The following DTD1 variants were observed in gnomAD, a reference collection of about 807,000 sequenced individuals.
DTD1 encodes D-tyrosyl-tRNA deacylase 1 homolog.
In DTD1, 13 loss-of-function variants were observed where a neutral mutation model predicts 25.6. The ratio of observed to expected loss-of-function variants is 0.51; its 90% CI spans 0.33 to 0.81. The LOEUF is 0.81. Ranked by LOEUF, DTD1 falls within the 30% of genes least tolerant of loss-of-function variation. The probability of loss-of-function intolerance (pLI) is 0.02; values close to 1 mark genes in which losing one functional copy is unlikely to be tolerated. For synonymous variants in DTD1, 110 were observed against 103.6 expected, an observed-to-expected ratio of 1.06 and a Z score of -0.37; for missense variants, 193 against 266.4, an observed-to-expected ratio of 0.72 and a Z score of 1.92.
Position 18,744,282 on chromosome 20 carries a change from C to A in DTD1, c.*19+11C>A. On this transcript the variant is annotated intron_variant, in intron 5 of 5. Coordinates refer to ENST00000377452, the MANE Select transcript of DTD1 (RefSeq NM_080820.6). ...GGAGGCAGAATTCAGGTAGGAGTTT[C>A]CCTGCTTGGCTTCATCTTCCCACAT... is the stretch of plus-strand genomic sequence containing the variant. 6.2e-7 allele frequency: 1 copy of A among 1,608,128 alleles called. No homozygotes were observed. Among genetic ancestry groups the A allele is most frequent in the African/African-American group, 1.3e-5 (1 of 74,676 alleles).
At chr20:18,698,844 C>G (rs538406733) in intron 4 of DTD1, 1 of 152,198 alleles carries the variant, frequency 6.6e-6, no homozygotes, top group Non-Finnish European at 1.5e-5. Context: ...AGGCCCGAGC[C>G]CAGGGACTCC....
chr20:18,765,636 A>G lies in DTD1; in HGVS notation c.*2296A>G, dbSNP rs1276059624. 6.6e-6 allele frequency: 1 copy of G among 152,148 alleles called. No homozygotes were observed. Among genetic ancestry groups the G allele is most frequent in the Non-Finnish European group, 1.5e-5 (1 of 68,026 alleles). The allele number at this position is 152,148 out of a possible 1,614,324, so 9.4% of individuals were successfully genotyped here. On this transcript the variant is annotated 3_prime_UTR_variant, in exon 6 of 6. Coordinates refer to ENST00000377452, the MANE Select transcript of DTD1 (RefSeq NM_080820.6). ...TGAAAGCTCAAGAAGAAACCCCATA[A>G]TATCTGCAGCTGCCTCAAAAAGGTG...
At chr20:18,715,383 A>T (rs1270013313) in intron 4 of DTD1, among the ~76,000 whole-genome samples, 1 of 152,068 alleles carries the variant, frequency 6.6e-6, no homozygotes, top group African/African-American at 2.4e-5. Flanking sequence ...TATCTGCTTC[A>T]TCTTTGGATT....
intron 3 of DTD1, among the ~76,000 whole-genome samples, chr20:18,620,837 C>T (rs1032364452): frequency 6.6e-6 from 1 of 152,140 alleles, no homozygotes; most frequent in Non-Finnish European, 1.5e-5. Context: ...AAGTGATCCT[C>T]CTGCCTCTCA....
intron 1 of DTD1, among the ~76,000 whole-genome samples, chr20:18,589,939 G>T (rs530663400): frequency 2.0e-5 from 3 of 152,180 alleles, no homozygotes; most frequent in Non-Finnish European, 4.4e-5. Context: ...TGTTAGAAGG[G>T]CCCTCCACTT....
intron 3 of DTD1, among the ~76,000 whole-genome samples, chr20:18,596,730 CTT>C (rs139465381): frequency 2.0e-5 from 3 of 146,966 alleles, no homozygotes; most frequent in African/African-American, 2.5e-5. Context: ...TTTACATTCT[CTT>C]TTTTTTTTTT....
At chr20:18,677,773 T>C (rs928316479) in intron 4 of DTD1, among the ~76,000 whole-genome samples, 1 of 152,206 alleles carries the variant, frequency 6.6e-6, no homozygotes, top group Non-Finnish European at 1.5e-5. Context: ...TTCCCTCTTA[T>C]TTTTCTCTCT....
At chr20:18,648,546 C>T (rs1268329818) in intron 4 of DTD1, among the ~76,000 whole-genome samples, 2 of 152,120 alleles carry the variant, frequency 1.3e-5, no homozygotes, top group Admixed American at 1.3e-4. Flanking sequence ...TGCCAGACTC[C>T]TTGTTCAAAA....
intron 5 of DTD1, among the ~76,000 whole-genome samples, chr20:18,762,471 T>C (rs981301616): frequency 1.3e-5 from 2 of 152,236 alleles, no homozygotes; most frequent in Admixed American, 1.3e-4. Context: ...GTATTTAAAA[T>C]GTCGCAAGAC....
chr20:18,716,742 C>T (rs539355904), intron 4 of DTD1, among the ~76,000 whole-genome samples: 1 of 152,312 alleles, frequency 6.6e-6, no homozygotes, highest in African/African-American at 2.4e-5. Context: ...AAACTTTTGA[C>T]TTCTCAAAAA....
chr20:18,632,870 A>G (rs554723381), intron 4 of DTD1, among the ~76,000 whole-genome samples: 24 of 152,172 alleles, frequency 1.6e-4, no homozygotes, highest in African/African-American at 5.8e-4. Context: ...GCCCATGTGC[A>G]TGTGCATGTG....
intron 4 of DTD1, among the ~76,000 whole-genome samples, chr20:18,649,328 T>TTC (rs1401260601): frequency 6.1e-5 from 5 of 82,086 alleles, no homozygotes; most frequent in African/African-American, 2.3e-4. Flanking sequence ...TCATCTTTCT[T>TTC]TTTTTTTTTT....
chr20:18,652,312 G>A (rs951851556), intron 4 of DTD1, among the ~76,000 whole-genome samples: 2 of 152,136 alleles, frequency 1.3e-5, no homozygotes, highest in Non-Finnish European at 2.9e-5. Context: ...ATTTTCTAAA[G>A]CAATAAAAGA....
intron 4 of DTD1, among the ~76,000 whole-genome samples, chr20:18,731,111 C>T (rs1568683930): frequency 6.6e-6 from 1 of 152,304 alleles, no homozygotes; most frequent in Middle Eastern, 3.4e-3. Flanking sequence ...CCCTGAGGGT[C>T]GATCCTTCCC....
intron 1 of DTD1, 92 bp from the exon 2 acceptor site, chr20:18,593,639 T>C: frequency 1.2e-6 from 1 of 834,318 alleles, no homozygotes; most frequent in South Asian, 1.4e-5. Context: ...AAGAAGTATG[T>C]ATGATGTTTA....
intron 4 of DTD1, among the ~76,000 whole-genome samples, chr20:18,738,139 T>C (rs1042243528): frequency 6.6e-6 from 1 of 152,190 alleles, no homozygotes; most frequent in Non-Finnish European, 1.5e-5. Context: ...AGAGTAGGTA[T>C]AGTCAGTGCC....
chr20:18,660,735 A>G (rs1389338430), intron 4 of DTD1, among the ~76,000 whole-genome samples: 1 of 152,218 alleles, frequency 6.6e-6, no homozygotes, highest in Non-Finnish European at 1.5e-5. Flanking sequence ...AATTAACCCT[A>G]TATACCATAA....
At chr20:18,755,573 A>G (rs1340565444) in intron 5 of DTD1, among the ~76,000 whole-genome samples, 1 of 151,782 alleles carries the variant, frequency 6.6e-6, no homozygotes, top group Non-Finnish European at 1.5e-5. Context: ...TTCCAGCTTC[A>G]TCCGTGTCCC....
chr20:18,697,810 G>A (rs997280389), intron 4 of DTD1, among the ~76,000 whole-genome samples: 2 of 152,298 alleles, frequency 1.3e-5, no homozygotes, highest in Admixed American at 6.5e-5. Context: ...TCAGCCTCTC[G>A]AGTAGCTGGG....
Sources: gnomAD v4.1 joint callset for allele counts (sites outside exome capture counted in the v4.1 genomes callset) on GRCh38, gnomAD v4.1.1 for gene constraint, MANE v1.5 for transcripts, NCBI Gene and HGNC (gene_info 2026-07-23, HGNC 2026-07-21) for gene names.